Variants in BLOC1S3 observed in about 807,000 individuals in gnomAD.
The protein encoded by BLOC1S3 is biogenesis of lysosome-related organelles complex 1 subunit 3.
In BLOC1S3, 7 loss-of-function variants were observed where a neutral mutation model predicts 9.1. The ratio of observed to expected loss-of-function variants is 0.77; its 90% CI spans 0.44 to 1.45. BLOC1S3 has a LOEUF of 1.45. BLOC1S3 is among the 40% of genes most tolerant of loss of function. The pLI, the probability that BLOC1S3 is intolerant of heterozygous loss-of-function variation, is 0.01. For synonymous variants in BLOC1S3, 145 were observed against 158.4 expected (o/e 0.92, Z 0.64); for missense variants, 307 against 315.2 (o/e 0.97, Z 0.20).
Position 45,179,389 on chromosome 19 carries a change from GTCC to G in BLOC1S3, c.96_98del (p.Ser34del), listed in dbSNP as rs1568469650. ...CCGAGACGGATTCCGAGCGCTCTGC[GTCC>G]TCGTCGGAGGAGGAGGAGCTGTACC... On this transcript the variant is annotated inframe_deletion, in exon 2 of 2. Transcript: ENST00000433642. The surrounding 1 kb of genome is among the most constrained non-coding windows in gnomAD (Gnocchi z 4.6). 1 of 1,578,788 alleles carries G rather than the reference GTCC, an allele frequency of 6.3e-7. No homozygotes were observed. The highest frequency in any genetic ancestry group is 8.5e-7 in the Non-Finnish European group (1 of 1,170,558).
At chr19:45,208,112 T>C (rs1280517315) in intron 3 of BLOC1S3, among the ~76,000 whole-genome samples, 1 of 151,716 alleles carries the variant, frequency 6.6e-6, no homozygotes, top group Non-Finnish European at 1.5e-5. Flanking sequence ...GTAGCTGGGA[T>C]TATAGGCACC....
intron 3 of BLOC1S3, among the ~76,000 whole-genome samples, chr19:45,215,597 T>A (rs1021193483): frequency 6.6e-6 from 1 of 152,092 alleles, no homozygotes; most frequent in Non-Finnish European, 1.5e-5. Context: ...GATGATAAAT[T>A]TCCCTAATAA....
chr19:45,191,248 G>T (rs1017656017), intron 2 of BLOC1S3, among the ~76,000 whole-genome samples: 4 of 151,798 alleles, frequency 2.6e-5, no homozygotes, highest in African/African-American at 4.8e-5. Flanking sequence ...TCAGCCTCCC[G>T]AGTAGCTGGG....
At chr19:45,211,800 G>GA (rs34745825) in intron 3 of BLOC1S3, among the ~76,000 whole-genome samples, 85 of 143,782 alleles carry the variant, frequency 5.9e-4, no homozygotes, top group Admixed American at 5.6e-4. Context: ...ACTTCTCAGG[G>GA]AAAAAAAAAA....
intron 3 of BLOC1S3, among the ~76,000 whole-genome samples, chr19:45,206,488 C>CTTTT (rs1969728626): frequency 2.8e-5 from 1 of 35,888 alleles, no homozygotes; most frequent in South Asian, 7.4e-4. Context: ...AAGGATCTCA[C>CTTTT]TCTTTTGCCC....
intron 2 of BLOC1S3, among the ~76,000 whole-genome samples, chr19:45,190,772 C>CTTTTATTTTA (rs60943621): frequency 0.069 from 6,528 of 95,112 alleles, 906 homozygotes; most frequent in African/African-American, 0.13. Context: ...GTCACTGATG[C>CTTTTATTTTA]TTTTATTTTA....
intron 2 of BLOC1S3, among the ~76,000 whole-genome samples, chr19:45,198,354 C>T (rs1475536133): frequency 6.6e-6 from 1 of 152,136 alleles, no homozygotes; most frequent in Non-Finnish European, 1.5e-5. Flanking sequence ...TGCAGTGGTG[C>T]GAGCTCGGCT....
chr19:45,207,730 C>G (rs1969738852), intron 3 of BLOC1S3, among the ~76,000 whole-genome samples: 1 of 151,878 alleles, frequency 6.6e-6, no homozygotes, highest in African/African-American at 2.4e-5. Context: ...GAGCGAGACT[C>G]CATCTCAAAA....
chr19:45,210,101 G>A (rs1327600654), intron 3 of BLOC1S3, among the ~76,000 whole-genome samples: 3 of 151,948 alleles, frequency 2.0e-5, no homozygotes, highest in Non-Finnish European at 4.4e-5. Context: ...AGTCACAAAA[G>A]ACTACGTTAT....
At chr19:45,202,219 A>AAC (rs1416607060) in intron 2 of BLOC1S3, among the ~76,000 whole-genome samples, 1 of 127,472 alleles carries the variant, frequency 7.8e-6, no homozygotes, top group African/African-American at 3.9e-5. Flanking sequence ...CTAAAAAAAA[A>AAC]AAAAAAAAAA....
At chr19:45,189,848 C>A (rs574415405) in intron 2 of BLOC1S3, among the ~76,000 whole-genome samples, 8 of 152,002 alleles carry the variant, frequency 5.3e-5, no homozygotes, top group Non-Finnish European at 1.0e-4. Context: ...TTTAGATAAA[C>A]CTTCTACCTC....
At chr19:45,185,389 T>C (rs1339595723), downstream of BLOC1S3, among the ~76,000 whole-genome samples, 1 of 152,152 alleles carries the variant, frequency 6.6e-6, no homozygotes, top group Non-Finnish European at 1.5e-5. Flanking sequence ...CTCAGATGCA[T>C]GGAGCTGTTG....
chr19:45,206,361 A>G (rs1311249459), intron 3 of BLOC1S3, among the ~76,000 whole-genome samples: 1 of 144,038 alleles, frequency 6.9e-6, no homozygotes, highest in Non-Finnish European at 1.5e-5. Context: ...CTCAAAAAAA[A>G]AAAAAAAAAA....
rs112584333 is a variant in BLOC1S3, at chr19:45,194,932, C to CT, written n.180+7208dup. On this transcript the variant is annotated intron_variant and non_coding_transcript_variant, in intron 2 of 3. Transcript: ENST00000591569. ...TGTGAACTCTGGTATGTGTGTTATA[C>CT]TTTTTTTTTTTTTTTTGAGATGGAG... Among the ~76,000 whole-genome samples, 1,065 of 140,156 alleles carry CT rather than the reference C, an allele frequency of 7.6e-3. 16 individuals carry two copies. The highest frequency in any genetic ancestry group is 0.032 in the South Asian group (140 of 4,444). The allele number at this position is 140,156 out of a possible 152,430, so 91.9% of individuals were successfully genotyped here.
At chr19:45,201,397 C>A (rs546354310) in intron 2 of BLOC1S3, among the ~76,000 whole-genome samples, 1 of 152,142 alleles carries the variant, frequency 6.6e-6, no homozygotes, top group Non-Finnish European at 1.5e-5. Context: ...TGGCCACCAC[C>A]ACTGGGACTG....
chr19:45,213,494 A>C, intron 3 of BLOC1S3: 1 of 986,110 alleles, frequency 1.0e-6, no homozygotes, highest in Non-Finnish European at 1.5e-6. Context: ...TCCCCTCCAG[A>C]GCCTTCCCTC....
chr19:45,183,595 A>T (rs2122892728), downstream of BLOC1S3, among the ~76,000 whole-genome samples: 1 of 150,174 alleles, frequency 6.7e-6, no homozygotes, highest in Non-Finnish European at 1.5e-5. Flanking sequence ...GATCTCCCAG[A>T]ACTTCCCTTT....
chr19:45,197,877 A>G (rs550144701), intron 2 of BLOC1S3, among the ~76,000 whole-genome samples: 2 of 150,164 alleles, frequency 1.3e-5, no homozygotes, highest in African/African-American at 4.9e-5. Context: ...TAGGGAGTCC[A>G]TGAAAAATCT....
At chr19:45,194,411 C>G (rs886577018) in intron 2 of BLOC1S3, among the ~76,000 whole-genome samples, 2 of 152,084 alleles carry the variant, frequency 1.3e-5, no homozygotes, top group Admixed American at 6.6e-5. Context: ...CCGCGCCCAG[C>G]CAATTTCTCA....
Sources: allele counts gnomAD v4.1 joint callset (sites outside exome capture counted in the v4.1 genomes callset), GRCh38; gene constraint gnomAD v4.1.1; non-coding constraint Gnocchi (gnomAD v3.1); transcripts MANE v1.5; gene names NCBI Gene and HGNC (gene_info 2026-07-23, HGNC 2026-07-21).